ZNF862: variants seen among roughly 807,000 people sequenced by gnomAD.
ZNF862 encodes the protein zinc finger protein 862.
In ZNF862, 64 loss-of-function variants were observed where a neutral mutation model predicts 91.1. The ratio of observed to expected loss-of-function variants is 0.70; its 90% CI spans 0.57 to 0.87. The LOEUF is 0.87. Ranked by LOEUF, ZNF862 falls within the 40% of genes least tolerant of loss-of-function variation. ZNF862 has a pLI of 0.00. For missense variants in ZNF862, 1,459 were observed against 1,528.0 expected, an observed-to-expected ratio of 0.95 and a Z score of 0.75; for synonymous variants, 631 against 618.1, an observed-to-expected ratio of 1.02 and a Z score of -0.31.
At position 149,867,090 on chromosome 7, in the gene ZNF862, C is replaced by T. The variant is rs934183821; in HGVS notation, c.*2806C>T. ...ATGTACGTGTCCTGGCATTTCCCCT[C>T]CCTCTCCCTGATGACTGATACCCAC... On this transcript the variant is annotated 3_prime_UTR_variant, in exon 8 of 8. Coordinates refer to ENST00000223210, the MANE Select transcript of ZNF862 (RefSeq NM_001099220.3). 1.3e-5 allele frequency: 2 copies of T among 152,286 alleles called. No homozygotes were observed. The highest frequency in any genetic ancestry group is 2.4e-5 in the African/African-American group (1 of 41,450). 9.4% of individuals were successfully genotyped at this position (152,286 alleles called of 1,614,324 possible). A position where few individuals can be genotyped will look rare whatever the true frequency, so the allele number is the denominator to read the frequency against.
intron 3 of ZNF862, 104 bp from the exon 4 acceptor site, chr7:149,847,622 TGTGTGTGTG>T (rs1245932713): frequency 3.1e-6 from 2 of 647,978 alleles, no homozygotes; most frequent in African/African-American, 4.0e-5. Flanking sequence ...TGTGTGTGTG[TGTGTGTGTG>T]TGCTTTCCGT....
intron 1 of ZNF862, among the ~76,000 whole-genome samples, chr7:149,839,041 C>T (rs753479617): frequency 1.3e-5 from 2 of 152,348 alleles, no homozygotes; most frequent in East Asian, 1.9e-4. Flanking sequence ...CTGCCTAGAT[C>T]CTCCTTACCA....
chr7:149,856,835 G>A (rs1379458629), intron 5 of ZNF862, among the ~76,000 whole-genome samples: 24 of 152,306 alleles, frequency 1.6e-4, no homozygotes, highest in Non-Finnish European at 1.5e-5. Flanking sequence ...GGGTGCAGGG[G>A]AGGCCTTCTT....
At position 149,866,782 on chromosome 7, in the gene ZNF862, C is replaced by T. The variant is rs1402022935; in HGVS notation, c.*2498C>T. The T allele has an allele frequency of 2.6e-5, 4 of 152,282 alleles. No individual in the cohort carries two copies. The highest frequency in any genetic ancestry group is 9.7e-5 in the African/African-American group (4 of 41,444). 9.4% of individuals were successfully genotyped at this position (152,282 alleles called of 1,614,324 possible). A position where few individuals can be genotyped will look rare whatever the true frequency, so the allele number is the denominator to read the frequency against. On this transcript the variant is annotated 3_prime_UTR_variant, in exon 8 of 8. Transcript: ENST00000223210. ...CAAGAAGGAAGAAGATGACTGCCATCTTATTCCTGAACTTCCTCATTCAGG... is the reference window on the plus strand; with the variant it reads ...CAAGAAGGAAGAAGATGACTGCCATTTTATTCCTGAACTTCCTCATTCAGG...
Position 149,861,315 on chromosome 7 carries a change from C to T in ZNF862, c.2155C>T (p.Leu719=). ...AAAGTTCCAGGAGGTCATCCCGCAG[C>T]TGCTGCCTGTCCACTGCGTGGCCCA... The part of the protein sequence containing the change: ...VEKFQEVIPQ[L]LPVHCVAHRL... The change falls in exon 7 of 8, where the codon CTG becomes TTG. Residue 719 remains leucine, a synonymous_variant. Transcript: ENST00000223210. The surrounding 1 kb of genome is among the most constrained non-coding windows in gnomAD (Gnocchi z 6.7). The T allele has an allele frequency of 6.2e-7, 1 of 1,612,962 alleles. No homozygotes were observed. The highest frequency in any genetic ancestry group is 1.7e-5 in the Admixed American group (1 of 60,006).
At chr7:149,855,000 C>T (rs1802210163) in intron 5 of ZNF862, among the ~76,000 whole-genome samples, 1 of 152,194 alleles carries the variant, frequency 6.6e-6, no homozygotes, top group Admixed American at 6.5e-5. Flanking sequence ...AAAGGTTAGG[C>T]CAGGGTGAGG....
At position 149,864,157 on chromosome 7, in the gene ZNF862, C is replaced by T; in HGVS notation, c.3383C>T (p.Pro1128Leu). ...EEMGALYVEE[P>L]RTQKPPILPS... ...ATGGGAGCCCTCTATGTGGAGGAGC[C>T]CAGGACCCAGAAGCCACCCATCCTG... Residue 1128 changes from proline (P) to leucine (L), a missense_variant, in exon 8 of 8, where the codon CCC becomes CTC. Coordinates refer to ENST00000223210, the MANE Select transcript of ZNF862 (RefSeq NM_001099220.3). 1 of 1,594,388 alleles carries T rather than the reference C, an allele frequency of 6.3e-7. No individual in the cohort carries two copies. Among genetic ancestry groups the T allele is most frequent in the Non-Finnish European group, 8.5e-7 (1 of 1,170,720 alleles).
intron 5 of ZNF862, among the ~76,000 whole-genome samples, chr7:149,851,219 C>T (rs1355253532): frequency 1.3e-5 from 2 of 152,092 alleles, no homozygotes; most frequent in Admixed American, 1.3e-4. Context: ...TGAGTAGAGA[C>T]GGGGTTTCAC....
Position 149,862,248 on chromosome 7 carries a change from G to T in ZNF862, c.3088G>T (p.Val1030Phe). 4.3e-6 allele frequency: 7 copies of T among 1,613,768 alleles called. No individual in the cohort carries two copies. Among genetic ancestry groups the T allele is most frequent in the Non-Finnish European group, 5.1e-6 (6 of 1,179,862 alleles). Residue 1030 changes from valine (V) to phenylalanine (F), a missense_variant, in exon 7 of 8, where the codon GTC becomes TTC. Transcript: ENST00000223210. ...GCTAAGCAAGCTCATGGCCGTGGTG[G>T]TCTGTGTGCCCATCTCCACCTCTTG... Reference protein sequence around the residue: ...PLLSKLMAVVVCVPISTSCCE... With the variant: ...PLLSKLMAVVFCVPISTSCCE...
chr7:149,850,171 C>G lies in ZNF862; in HGVS notation c.950C>G (p.Ala317Gly), dbSNP rs761278326. The G allele has an allele frequency of 3.8e-6, 6 of 1,567,744 alleles. No homozygotes were observed. In the East Asian group the frequency reaches 1.4e-4, roughly 37 times the overall value. Reference protein sequence around the residue: ...AVESCIQDPSAEGLSEEVPVV... With the variant: ...AVESCIQDPSGEGLSEEVPVV... ...TGCTCTTTGTTCCAGGACCCTTCTGCAGAGGGGCTGTCGGAGGAGGTTCCT... is the reference window on the plus strand; with the variant it reads ...TGCTCTTTGTTCCAGGACCCTTCTGGAGAGGGGCTGTCGGAGGAGGTTCCT... Residue 317 changes from alanine to glycine, a missense_variant, in exon 5 of 8, where the codon GCA becomes GGA. By Grantham distance (60) the Ala-to-Gly change is moderately conservative. Coordinates refer to ENST00000223210, the MANE Select transcript of ZNF862 (RefSeq NM_001099220.3). This position sits in a 1 kb window ranked among gnomAD's most constrained non-coding sequence, Gnocchi z 4.2.
At chr7:149,860,156 GA>G in intron 6 of ZNF862, 1 of 553,328 alleles carries the variant, frequency 1.8e-6, no homozygotes, top group Non-Finnish European at 3.2e-6. Context: ...GGGCGCTGGT[GA>G]AAGAACCCAC....
chr7:149,862,673 G>C (rs921048509), intron 7 of ZNF862, among the ~76,000 whole-genome samples, 179 bp downstream of exon 7: 2 of 152,220 alleles, frequency 1.3e-5, no homozygotes, highest in South Asian at 4.1e-4. Context: ...GGGAGATGAC[G>C]CACATGTGCT....
chr7:149,840,187 TAAAAAA>T (rs60721842), intron 1 of ZNF862, among the ~76,000 whole-genome samples: 657 of 41,336 alleles, frequency 0.016, 5 homozygotes, highest in Middle Eastern at 0.095. Flanking sequence ...GCTTAAAAAG[TAAAAAA>T]AAAAAAAAAA....
At position 149,844,651 on chromosome 7, in the gene ZNF862, T is replaced by C. The variant is rs1801811531; in HGVS notation, c.51T>C (p.Thr17=). The change falls in exon 2 of 8, where the codon ACT becomes ACC. Residue 17 remains threonine (T), a synonymous_variant. Coordinates refer to ENST00000223210, the MANE Select transcript of ZNF862 (RefSeq NM_001099220.3). The part of the protein sequence containing the change: ...GKAPVTFDDI[T]VYLLQEEWVL... The stretch of plus-strand genomic sequence containing the variant: ...CTCCTGTGACGTTTGATGACATCAC[T>C]GTGTACTTACTCCAGGAGGAATGGG... The C allele has an allele frequency of 1.2e-6, 2 of 1,605,090 alleles. No homozygotes were observed. The highest frequency in any genetic ancestry group is 1.7e-5 in the Admixed American group (1 of 58,884).
intron 5 of ZNF862, among the ~76,000 whole-genome samples, chr7:149,857,117 T>A (rs1356152728): frequency 6.6e-6 from 1 of 152,184 alleles, no homozygotes; most frequent in South Asian, 2.1e-4. Flanking sequence ...TTATATAAAG[T>A]GTGTTTTTAA....
chr7:149,859,339 T>C (rs1802371226), intron 5 of ZNF862, 83 bp from the exon 6 acceptor site: 1 of 1,239,286 alleles, frequency 8.1e-7, no homozygotes, highest in African/African-American at 1.5e-5. Flanking sequence ...CTCTGTGTAC[T>C]TCAGGGACTG....
chr7:149,852,387 G>A (rs1463508316), intron 5 of ZNF862, among the ~76,000 whole-genome samples: 1 of 151,326 alleles, frequency 6.6e-6, no homozygotes, highest in Non-Finnish European at 1.5e-5. Context: ...GAGAGAGAGA[G>A]AGACAGGCTG....
intron 1 of ZNF862, 91 bp downstream of exon 1, chr7:149,838,726 C>T: frequency 2.4e-6 from 2 of 838,976 alleles, no homozygotes; most frequent in Non-Finnish European, 1.6e-6. Flanking sequence ...GCGGAGGCCC[C>T]GCAGATGAGC....
At chr7:149,862,909 G>A (rs1802570048) in intron 7 of ZNF862, among the ~76,000 whole-genome samples, 3 of 152,356 alleles carry the variant, frequency 2.0e-5, no homozygotes, top group Admixed American at 2.0e-4. Context: ...ACCACTGCTG[G>A]GAGTAAGGAG....
Sources: gnomAD v4.1 joint callset for allele counts (sites outside exome capture counted in the v4.1 genomes callset) on GRCh38, gnomAD v4.1.1 for gene constraint, Gnocchi (gnomAD v3.1) non-coding constraint, MANE v1.5 for transcripts, NCBI Gene and HGNC (gene_info 2026-07-23, HGNC 2026-07-21) for gene names.